MPZL1: variants seen among roughly 807,000 people sequenced by gnomAD.
The protein encoded by MPZL1 is myelin protein zero like 1.
MPZL1 carries 16 observed loss-of-function variants against 29.3 expected under a neutral mutation model. The observed-to-expected ratio is 0.55, with a 90% CI of 0.37 to 0.83. The LOEUF (loss-of-function observed/expected upper bound fraction) is 0.83. Ranked by LOEUF, MPZL1 falls within the 40% of genes least tolerant of loss-of-function variation. MPZL1 has a pLI of 0.00. For missense variants in MPZL1, 279 were observed against 332.9 expected (o/e 0.84, Z 1.26); for synonymous variants, 143 against 132.0 (o/e 1.08, Z -0.57).
intron 1 of MPZL1, among the ~76,000 whole-genome samples, chr1:167,723,550 C>T (rs1660083963): frequency 6.6e-6 from 1 of 152,130 alleles, no homozygotes; most frequent in Admixed American, 6.5e-5. Flanking sequence ...TAGAAAATAG[C>T]CTAAAATTAA....
At chr1:167,742,928 A>G (rs780406447) in intron 1 of MPZL1, among the ~76,000 whole-genome samples, 2 of 152,048 alleles carry the variant, frequency 1.3e-5, no homozygotes, top group African/African-American at 4.8e-5. Context: ...TGCTTTGTCA[A>G]TGATCAGTAG....
chr1:167,740,102 A>T (rs1382928917), intron 1 of MPZL1, among the ~76,000 whole-genome samples: 1 of 152,086 alleles, frequency 6.6e-6, no homozygotes, highest in African/African-American at 2.4e-5. Flanking sequence ...CCCTGGGAAA[A>T]CCCTACCATC....
At chr1:167,756,046 TG>T (rs1049049027) in intron 1 of MPZL1, among the ~76,000 whole-genome samples, 1 of 152,150 alleles carries the variant, frequency 6.6e-6, no homozygotes, top group African/African-American at 2.4e-5. Flanking sequence ...AGATCTTTGT[TG>T]GTACAAAAAA....
At chr1:167,785,954 G>A (rs1220771433) in intron 5 of MPZL1, among the ~76,000 whole-genome samples, 5 of 152,060 alleles carry the variant, frequency 3.3e-5, no homozygotes, top group African/African-American at 4.8e-5. Flanking sequence ...CACCATGCCC[G>A]GCGAATTTTT....
intron 1 of MPZL1, among the ~76,000 whole-genome samples, chr1:167,726,649 G>A (rs1660151277): frequency 1.3e-5 from 2 of 152,018 alleles, no homozygotes; most frequent in Non-Finnish European, 2.9e-5. Context: ...AGTTCCCTTG[G>A]CCTTTTACTT....
At position 167,779,644 on chromosome 1, in the gene MPZL1, A is replaced by C. The variant is rs553731408; in HGVS notation, c.708+3478A>C. On this transcript the variant is annotated intron_variant, in intron 5 of 5. Transcript: ENST00000359523. ...AATGACAGCATTTTATGAGGCTATA[A>C]CATGTGGAAGTAAAATGTATGACAA... Among the ~76,000 whole-genome samples the C allele has an allele frequency of 2.8e-4, 42 of 152,320 alleles. No homozygotes were observed. The South Asian group carries it at 8.5e-3, about 31-fold the overall frequency.
intron 1 of MPZL1, among the ~76,000 whole-genome samples, chr1:167,750,748 T>C (rs1412733386): frequency 6.6e-6 from 1 of 152,196 alleles, no homozygotes; most frequent in Non-Finnish European, 1.5e-5. Context: ...TTATCTAATA[T>C]ATAGAGTTTA....
intron 5 of MPZL1, among the ~76,000 whole-genome samples, chr1:167,779,482 G>A (rs1661446256): frequency 6.6e-6 from 1 of 152,030 alleles, no homozygotes. Context: ...CTACTTGGGA[G>A]GCCAAGACAG....
chr1:167,733,735 C>T (rs572965842), intron 1 of MPZL1, among the ~76,000 whole-genome samples: 54 of 148,678 alleles, frequency 3.6e-4, no homozygotes, highest in Non-Finnish European at 6.8e-4. Flanking sequence ...CAGAGTGAGA[C>T]TCTGTCAAAA....
intron 1 of MPZL1, among the ~76,000 whole-genome samples, chr1:167,751,178 T>C (rs1660746987): frequency 6.6e-6 from 1 of 152,244 alleles, no homozygotes; most frequent in South Asian, 2.1e-4. Flanking sequence ...TTATGGGTAA[T>C]TCTTTGAAAC....
At chr1:167,768,664 A>C (rs1319948526) in intron 2 of MPZL1, among the ~76,000 whole-genome samples, 1 of 152,208 alleles carries the variant, frequency 6.6e-6, no homozygotes, top group Non-Finnish European at 1.5e-5. Flanking sequence ...GTTATTCCTC[A>C]GTTTGATTCA....
chr1:167,782,440 G>A (rs949500244), intron 5 of MPZL1, among the ~76,000 whole-genome samples: 4 of 151,978 alleles, frequency 2.6e-5, no homozygotes, highest in African/African-American at 7.3e-5. Context: ...CTGTACTTAC[G>A]TTCTTGGCAC....
intron 5 of MPZL1, among the ~76,000 whole-genome samples, chr1:167,777,999 A>G (rs1661408034): frequency 6.6e-6 from 1 of 152,242 alleles, no homozygotes; most frequent in Non-Finnish European, 1.5e-5. Flanking sequence ...CCAACAATGT[A>G]CAATTTACAA....
At chr1:167,785,901 T>C (rs942673911) in intron 5 of MPZL1, among the ~76,000 whole-genome samples, 27 of 152,208 alleles carry the variant, frequency 1.8e-4, no homozygotes, top group Admixed American at 7.9e-4. Context: ...CACACCATTC[T>C]CCTGCCTCAG....
chr1:167,748,288 A>G (rs145325079), intron 1 of MPZL1, among the ~76,000 whole-genome samples: 3 of 152,314 alleles, frequency 2.0e-5, no homozygotes, highest in African/African-American at 7.2e-5. Context: ...ATTTCTCTAC[A>G]TCCTCTCCAG....
chr1:167,749,006 A>C (rs1295889424), intron 1 of MPZL1, among the ~76,000 whole-genome samples: 1 of 152,190 alleles, frequency 6.6e-6, no homozygotes, highest in Non-Finnish European at 1.5e-5. Flanking sequence ...GTGGCTTGAA[A>C]GTTGTTTCAT....
At chr1:167,748,101 TACC>T (rs1431689881) in intron 1 of MPZL1, among the ~76,000 whole-genome samples, 1 of 152,202 alleles carries the variant, frequency 6.6e-6, no homozygotes, top group African/African-American at 2.4e-5. Context: ...TGTATGAATA[TACC>T]ACATTTTGTT....
intron 1 of MPZL1, among the ~76,000 whole-genome samples, chr1:167,724,437 C>G (rs1270655316): frequency 6.6e-6 from 1 of 152,150 alleles, no homozygotes; most frequent in Non-Finnish European, 1.5e-5. Context: ...AGGCAGAGGA[C>G]TATTGTAATA....
intron 1 of MPZL1, among the ~76,000 whole-genome samples, chr1:167,746,201 G>C (rs1206440543): frequency 1.3e-5 from 2 of 152,062 alleles, no homozygotes; most frequent in East Asian, 3.8e-4. Context: ...GGTTGGTGGA[G>C]AAGGCATTCA....
Sources: gnomAD v4.1 joint callset for allele counts (sites outside exome capture counted in the v4.1 genomes callset) on GRCh38, gnomAD v4.1.1 for gene constraint, MANE v1.5 for transcripts, NCBI Gene and HGNC (gene_info 2026-07-23, HGNC 2026-07-21) for gene names.